STK38L: variants seen among roughly 807,000 people sequenced by gnomAD.
STK38L encodes the protein serine/threonine kinase 38 like.
Under a neutral mutation model 59.7 loss-of-function variants are expected in STK38L, and 28 were observed. That is an observed-to-expected ratio of 0.47 (90% CI 0.35 to 0.64). STK38L has a LOEUF of 0.64. STK38L is among the 30% of genes least tolerant of loss of function. The pLI is 0.01. For missense variants in STK38L, 314 were observed against 555.8 expected (o/e 0.56, Z 4.37); for synonymous variants, 162 against 176.8 (o/e 0.92, Z 0.66).
At chr12:27,282,784 C>T (rs928011469) in intron 1 of STK38L, among the ~76,000 whole-genome samples, 3 of 152,116 alleles carry the variant, frequency 2.0e-5, no homozygotes, top group Non-Finnish European at 2.9e-5. Context: ...GCTAAAAATA[C>T]CCCCTAAAAA....
In STK38L at chr12:27,259,149, A is replaced by G. The variant is rs1479359684; in HGVS notation, c.-12+14817A>G. Among the ~76,000 whole-genome samples, 8 of 152,332 alleles carry G rather than the reference A, an allele frequency of 5.3e-5. No individual in the cohort carries two copies. The East Asian group carries it at 1.5e-3, about 29-fold the overall frequency. ...TTGTCTATTCAGAAACTGTTTTATA[A>G]TCATCTAGGATTTTCTTCCGGCTGA... On this transcript the variant is annotated intron_variant, in intron 1 of 13. Transcript: ENST00000389032.
intron 1 of STK38L, among the ~76,000 whole-genome samples, chr12:27,251,046 T>C (rs1331609147): frequency 6.6e-6 from 1 of 151,280 alleles, no homozygotes; most frequent in Admixed American, 6.6e-5. Context: ...AGGTTTGCTC[T>C]CTCTTACATT....
intron 2 of STK38L, among the ~76,000 whole-genome samples, chr12:27,299,038 G>A (rs1372805026): frequency 1.3e-5 from 2 of 152,210 alleles, no homozygotes; most frequent in Non-Finnish European, 2.9e-5. Context: ...TAAATGGAAA[G>A]GAGGCTTGAA....
At chr12:27,260,990 T>A (rs1220158869) in intron 1 of STK38L, among the ~76,000 whole-genome samples, 2 of 152,234 alleles carry the variant, frequency 1.3e-5, no homozygotes, top group African/African-American at 4.8e-5. Context: ...TACTTTTCTT[T>A]TCTCTGAACA....
Position 27,323,335 on chromosome 12 carries a change from T to C in STK38L, c.*880T>C, listed in dbSNP as rs1399811940. On this transcript the variant is annotated 3_prime_UTR_variant, in exon 14 of 14. Coordinates refer to ENST00000389032, the MANE Select transcript of STK38L (RefSeq NM_015000.4). The stretch of plus-strand genomic sequence containing the variant: ...AAGACATGACCATGAAGGCTGCTTG[T>C]AGAATTAGTGTATTTTTATTAAACT... The C allele has an allele frequency of 6.6e-6, 1 of 152,542 alleles. No individual in the cohort carries two copies. Among genetic ancestry groups the C allele is most frequent in the African/African-American group, 2.4e-5 (1 of 41,468 alleles). The allele number at this position is 152,542 out of a possible 1,614,324, so 9.4% of individuals were successfully genotyped here.
chr12:27,254,480 C>T lies in STK38L; in HGVS notation c.-12+10148C>T, dbSNP rs529840111. On this transcript the variant is annotated intron_variant, in intron 1 of 13. Coordinates refer to ENST00000389032, the MANE Select transcript of STK38L (RefSeq NM_015000.4). ...TTATAAACTTTGTATGTATAATCTA[C>T]GTTAGATTGCTAGAGATAAAAAGCA... Among the ~76,000 whole-genome samples, 10 of 152,218 alleles carry T rather than the reference C, an allele frequency of 6.6e-5. No homozygotes were observed. The South Asian group carries it at 2.1e-3, about 32-fold the overall frequency.
At chr12:27,297,680 T>C (rs200316145) in intron 1 of STK38L, 30 bp from the exon 2 acceptor site, 4 of 1,577,018 alleles carry the variant, frequency 2.5e-6, no homozygotes, top group Admixed American at 1.9e-5. Flanking sequence ...TTTTTCCCAC[T>C]GAATAATTTG....
chr12:27,320,069 A>C (rs1944686896), intron 12 of STK38L, among the ~76,000 whole-genome samples: 1 of 152,130 alleles, frequency 6.6e-6, no homozygotes, highest in African/African-American at 2.4e-5. Context: ...TGCGTCTTGG[A>C]TGGCCTCTCC....
At chr12:27,320,657 C>T (rs1026676081) in intron 12 of STK38L, among the ~76,000 whole-genome samples, 1 of 151,990 alleles carries the variant, frequency 6.6e-6, no homozygotes, top group Non-Finnish European at 1.5e-5. Flanking sequence ...ACTTTACTTG[C>T]GTTTCTCATC....
At chr12:27,317,663 C>T (rs950370009) in intron 10 of STK38L, 18 of 707,984 alleles carry the variant, frequency 2.5e-5, no homozygotes, top group Admixed American at 1.2e-4. Context: ...CAAACTCCCA[C>T]GTATAAAAGT....
At chr12:27,250,989 T>A (rs1310115962) in intron 1 of STK38L, among the ~76,000 whole-genome samples, 6 of 117,542 alleles carry the variant, frequency 5.1e-5, no homozygotes, top group African/African-American at 6.8e-5. Flanking sequence ...ACAGTGAGAC[T>A]CTGTCTCAAA....
At chr12:27,271,403 G>A (rs924298677) in intron 1 of STK38L, among the ~76,000 whole-genome samples, 5 of 152,222 alleles carry the variant, frequency 3.3e-5, no homozygotes, top group African/African-American at 1.2e-4. Flanking sequence ...TTGCCTAATG[G>A]AAGTGTATGG....
chr12:27,319,169 A>G (rs1261344947), intron 11 of STK38L, among the ~76,000 whole-genome samples, 159 bp from the exon 12 acceptor site: 1 of 152,210 alleles, frequency 6.6e-6, no homozygotes, highest in Non-Finnish European at 1.5e-5. Flanking sequence ...GCGCTTACAG[A>G]TGATTTTTAT....
chr12:27,302,267 C>T lies in STK38L; in HGVS notation c.186+79C>T, dbSNP rs368918397. 147 of 1,085,314 alleles carry T rather than the reference C, an allele frequency of 1.4e-4. 1 individual carries two copies. The African/African-American group carries it at 2.0e-3, about 15-fold the overall frequency. 67.2% of individuals were successfully genotyped at this position (1,085,314 alleles called of 1,614,324 possible). ...TCATTTGACATCAGGTATTTTATAACTTAAATAATGTGGATTTTATCATTT... is the reference window on the plus strand; with the variant it reads ...TCATTTGACATCAGGTATTTTATAATTTAAATAATGTGGATTTTATCATTT... On this transcript the variant is annotated intron_variant, in intron 3 of 13. Coordinates refer to ENST00000389032, the MANE Select transcript of STK38L (RefSeq NM_015000.4).
rs561621104 is a variant in STK38L, at chr12:27,319,510, T to C, written c.1175+87T>C. 764 of 880,542 alleles carry C rather than the reference T, an allele frequency of 8.7e-4. 2 individuals carry two copies. The highest frequency in any genetic ancestry group is 2.7e-3 in the Middle Eastern group (12 of 4,490). 54.5% of individuals were successfully genotyped at this position (880,542 alleles called of 1,614,324 possible). A position where few individuals can be genotyped will look rare whatever the true frequency, so the allele number is the denominator to read the frequency against. On this transcript the variant is annotated intron_variant, in intron 12 of 13. Transcript: ENST00000389032. ...TTAATTTACCTCTGATTCTGCTAGA[T>C]TAAATACAAAAGTAACATATAATGT...
In STK38L at chr12:27,269,898, C is replaced by A. The variant is rs182863567; in HGVS notation, c.-12+25566C>A. On this transcript the variant is annotated intron_variant, in intron 1 of 13. Coordinates refer to ENST00000389032, the MANE Select transcript of STK38L (RefSeq NM_015000.4). The stretch of plus-strand genomic sequence containing the variant: ...CCTCAGGTTATCCGCCCACCTTGGC[C>A]TCCCAAAGTGTTGAGATTACAGGCA... Among the ~76,000 whole-genome samples the A allele has an allele frequency of 4.1e-4, 62 of 152,316 alleles. 1 individual carries two copies. The East Asian group carries it at 0.011, about 26-fold the overall frequency.
chr12:27,254,978 A>G (rs1943060079), intron 1 of STK38L, among the ~76,000 whole-genome samples: 1 of 152,232 alleles, frequency 6.6e-6, no homozygotes, highest in South Asian at 2.1e-4. Flanking sequence ...CTTTTAATCA[A>G]ACATTTCTGG....
At chr12:27,302,468 CT>C (rs1944199015) in intron 3 of STK38L, 1 of 231,284 alleles carries the variant, frequency 4.3e-6, no homozygotes, top group South Asian at 1.6e-4. Flanking sequence ...CAATCGTTAG[CT>C]TTTCTAAAAT....
intron 1 of STK38L, among the ~76,000 whole-genome samples, chr12:27,257,809 A>AT (rs1565524076): frequency 6.6e-6 from 1 of 151,584 alleles, no homozygotes. Flanking sequence ...TCAGCCCAAG[A>AT]TTAAGATTGT....
Sources: gnomAD v4.1 joint callset for allele counts (sites outside exome capture counted in the v4.1 genomes callset) on GRCh38, gnomAD v4.1.1 for gene constraint, MANE v1.5 for transcripts, NCBI Gene and HGNC (gene_info 2026-07-23, HGNC 2026-07-21) for gene names.